Variants in KCNG1 observed in about 807,000 individuals in gnomAD.
The protein encoded by KCNG1 is voltage-gated potassium channel regulatory subunit KCNG1.
A neutral mutation model predicts 32.4 loss-of-function variants in KCNG1; 17 were observed. The ratio of observed to expected loss-of-function variants is 0.52; its 90% CI spans 0.36 to 0.79. The LOEUF is 0.79. Among genes scored for constraint, KCNG1 ranks in the 30% least tolerant of loss-of-function variants. The probability of loss-of-function intolerance (pLI) is 0.00; values close to 1 mark genes in which losing one functional copy is unlikely to be tolerated. For missense variants in KCNG1, 441 were observed against 735.2 expected (o/e 0.60, Z 4.63); for synonymous variants, 358 against 339.9 (o/e 1.05, Z -0.59).
At chr20:51,021,704 C>T (rs1398399549) in intron 1 of KCNG1, among the ~76,000 whole-genome samples, 3 of 152,118 alleles carry the variant, frequency 2.0e-5, no homozygotes, top group South Asian at 4.1e-4. Flanking sequence ...TGTCATTTAC[C>T]TGGGTAACTT....
At chr20:51,017,500 G>A (rs751894586) in intron 1 of KCNG1, among the ~76,000 whole-genome samples, 3 of 152,222 alleles carry the variant, frequency 2.0e-5, no homozygotes, top group Non-Finnish European at 4.4e-5. Flanking sequence ...CCTGGCACAG[G>A]CCAATGAGGA....
rs1568804012 is a variant in KCNG1, at chr20:51,015,466, C to CG, written c.-26-5103dup. 6.6e-6 allele frequency among the ~76,000 whole-genome samples: 1 copy of CG among 151,868 alleles called. No homozygotes were observed. Among genetic ancestry groups the CG allele is most frequent in the African/African-American group, 2.4e-5 (1 of 41,298 alleles). Reference sequence around the variant, plus strand: ...TGCTGAGCTGATGGGTGTGTGTTTGCGGGGGGTGAGGGTGTCACCTGGCAG... The same window carrying CG: ...TGCTGAGCTGATGGGTGTGTGTTTGCGGGGGGGTGAGGGTGTCACCTGGCAG... On this transcript the variant is annotated intron_variant, in intron 1 of 2. Coordinates refer to ENST00000371571, the MANE Select transcript of KCNG1 (RefSeq NM_002237.4). This position sits in a 1 kb window ranked among gnomAD's most constrained non-coding sequence, Gnocchi z 4.4.
At chr20:51,011,031 G>A (rs749163679) in intron 1 of KCNG1, among the ~76,000 whole-genome samples, 4 of 152,320 alleles carry the variant, frequency 2.6e-5, no homozygotes, top group East Asian at 1.9e-4. Flanking sequence ...TGCTGCTGGC[G>A]CCCTGCTCTC....
chr20:51,020,752 G>A (rs1233986838), intron 1 of KCNG1, among the ~76,000 whole-genome samples: 1 of 152,152 alleles, frequency 6.6e-6, no homozygotes, highest in African/African-American at 2.4e-5. Flanking sequence ...GCCGAGCCAA[G>A]GTACCTACTG....
rs754527482 is a variant in KCNG1 at position 51,010,066 on chromosome 20, C to T, written c.273G>A (p.Gln91=). ...LDEFPLTRLG[Q]LKACTNFDDI... Reference sequence around the variant, plus strand: ...CGTCGAAGTTGGTGCAGGCCTTGAGCTGGCCCAGGCGCGTCAGCGGGAACT... The same window carrying T: ...CGTCGAAGTTGGTGCAGGCCTTGAGTTGGCCCAGGCGCGTCAGCGGGAACT... The change falls in exon 2 of 3, where the codon CAG becomes CAA. Residue 91 remains glutamine, a synonymous_variant. Coordinates refer to ENST00000371571, the MANE Select transcript of KCNG1 (RefSeq NM_002237.4). The T allele has an allele frequency of 1.1e-5, 18 of 1,613,978 alleles. No individual in the cohort carries two copies. Among genetic ancestry groups the T allele is most frequent in the African/African-American group, 1.3e-5 (1 of 74,950 alleles).
At chr20:51,022,167 G>A (rs1049526061) in intron 1 of KCNG1, among the ~76,000 whole-genome samples, 7 of 152,206 alleles carry the variant, frequency 4.6e-5, no homozygotes, top group Admixed American at 4.6e-4. Context: ...ACTGTTGAGC[G>A]CTTGGTATGA....
chr20:51,011,895 C>G (rs1221740584), intron 1 of KCNG1, among the ~76,000 whole-genome samples: 1 of 152,232 alleles, frequency 6.6e-6, no homozygotes, highest in Non-Finnish European at 1.5e-5. Context: ...GCCGCGGGTT[C>G]AAGCAATTCT....
At chr20:51,021,624 C>T (rs1988488173) in intron 1 of KCNG1, among the ~76,000 whole-genome samples, 1 of 152,162 alleles carries the variant, frequency 6.6e-6, no homozygotes, top group Admixed American at 6.5e-5. Context: ...CTTACTTCCC[C>T]CTGTACTTAT....
chr20:51,016,720 C>T (rs1988292790), intron 1 of KCNG1, among the ~76,000 whole-genome samples: 1 of 152,174 alleles, frequency 6.6e-6, no homozygotes, highest in African/African-American at 2.4e-5. Flanking sequence ...GCACTTGGCT[C>T]CATGCCTGAC....
rs1988037176 is a variant in KCNG1 at position 51,010,437 on chromosome 20, A to T, written c.-26-73T>A. The T allele has an allele frequency of 9.0e-6, 9 of 1,004,068 alleles. No individual in the cohort carries two copies. The East Asian group carries it at 2.3e-4, about 26-fold the overall frequency. 62.2% of individuals were successfully genotyped at this position (1,004,068 alleles called of 1,614,324 possible). On this transcript the variant is annotated intron_variant, in intron 1 of 2. Transcript: ENST00000371571. Reference sequence around the variant, plus strand: ...ACCTTGCTGAGAATGCAGATTCCGCAGATATTCACTGTTAGGGATGGAATC... The same window carrying T: ...ACCTTGCTGAGAATGCAGATTCCGCTGATATTCACTGTTAGGGATGGAATC...
Position 51,009,655 on chromosome 20 carries a change from C to T in KCNG1, c.684G>A (p.Val228=). 6.2e-7 allele frequency: 1 copy of T among 1,604,710 alleles called. No homozygotes were observed. Among genetic ancestry groups the T allele is most frequent in the Non-Finnish European group, 8.5e-7 (1 of 1,178,566 alleles). Residue 228 remains valine, a synonymous_variant, in exon 2 of 3, where the codon GTG becomes GTA. Transcript: ENST00000371571. ...ERPHSGLPGK[V]FACLSVLFVT... ...CGAAGAGCACCGACAGGCAGGCGAA[C>T]ACCTTGCCAGGCAGCCCCGAGTGCG...
intron 1 of KCNG1, among the ~76,000 whole-genome samples, chr20:51,010,919 AAACAAAAC>A (rs1416634159): frequency 1.3e-4 from 3 of 22,938 alleles, no homozygotes; most frequent in East Asian, 8.4e-4. Flanking sequence ...AAACAAAACA[AAACAAAAC>A]AAAAAAAAAA....
chr20:51,020,378 T>A (rs1450993843), intron 1 of KCNG1, among the ~76,000 whole-genome samples: 1 of 152,004 alleles, frequency 6.6e-6, no homozygotes, highest in Non-Finnish European at 1.5e-5. Context: ...GAGAGCATGA[T>A]CGGACCTGCC....
At chr20:51,013,755 C>G (rs1175071084) in intron 1 of KCNG1, 1 of 152,224 alleles carries the variant, frequency 6.6e-6, no homozygotes, top group Non-Finnish European at 1.5e-5. Context: ...TCTCCTCAGG[C>G]ACAGCCTGCC....
intron 1 of KCNG1, among the ~76,000 whole-genome samples, chr20:51,021,024 A>T (rs2123285523): frequency 6.6e-6 from 1 of 152,302 alleles, no homozygotes; most frequent in Middle Eastern, 3.4e-3. Flanking sequence ...CAGAGGCCAA[A>T]AAGGCAACCC....
chr20:51,010,244 C>T lies in KCNG1; in HGVS notation c.95G>A (p.Arg32His). Residue 32 changes from arginine (R) to histidine (H), a missense_variant, in exon 2 of 3, where the codon CGC becomes CAC. Transcript: ENST00000371571. The stretch of plus-strand genomic sequence containing the variant: ...GTAGAACGCGCCCTTGATGGCCTGG[C>T]GCTGCGGGAGGAAGGCCGGGTGGAA... ...ASFHPAFLPQ[R>H]QAIKGAFYRR... 1 of 1,543,736 alleles carries T rather than the reference C, an allele frequency of 6.5e-7. No individual in the cohort carries two copies. The highest frequency in any genetic ancestry group is 8.7e-7 in the Non-Finnish European group (1 of 1,152,564).
At chr20:51,008,521 C>T (rs948425184) in intron 2 of KCNG1, among the ~76,000 whole-genome samples, 32 of 150,744 alleles carry the variant, frequency 2.1e-4, no homozygotes, top group Admixed American at 6.6e-4. Context: ...TCCGTAAAGA[C>T]GGGGTCTCAC....
At chr20:51,013,475 C>A (rs1355318509) in intron 1 of KCNG1, among the ~76,000 whole-genome samples, 3 of 151,956 alleles carry the variant, frequency 2.0e-5, no homozygotes, top group Non-Finnish European at 4.4e-5. Flanking sequence ...CAAACACACC[C>A]GTACACAAAC....
At chr20:51,011,756 G>A (rs945035943) in intron 1 of KCNG1, among the ~76,000 whole-genome samples, 9 of 152,170 alleles carry the variant, frequency 5.9e-5, no homozygotes, top group African/African-American at 2.2e-4. Context: ...AGCATTTAAT[G>A]CAGTGCCTGG....
Sources: gnomAD v4.1 joint callset for allele counts (sites outside exome capture counted in the v4.1 genomes callset) on GRCh38, gnomAD v4.1.1 for gene constraint, Gnocchi (gnomAD v3.1) non-coding constraint, MANE v1.5 for transcripts, NCBI Gene and HGNC (gene_info 2026-07-23, HGNC 2026-07-21) for gene names.